The following CBFA2T2 variants were observed in gnomAD, a reference collection of about 807,000 sequenced individuals.
CBFA2T2 encodes the protein CBFA2/RUNX1 partner transcriptional co-repressor 2.
A neutral mutation model predicts 62.2 loss-of-function variants in CBFA2T2; 11 were observed. The observed-to-expected ratio is 0.18, with a 90% CI of 0.11 to 0.29. CBFA2T2 has a LOEUF of 0.29. Ranked by LOEUF, CBFA2T2 falls within the 10% of genes least tolerant of loss-of-function variation. The pLI is 1.00. For synonymous variants in CBFA2T2, 295 were observed against 287.5 expected, an observed-to-expected ratio of 1.03 and a Z score of -0.27; for missense variants, 592 against 774.1, an observed-to-expected ratio of 0.76 and a Z score of 2.79.
At chr20:33,585,198 T>C (rs2014310990) in intron 1 of CBFA2T2, among the ~76,000 whole-genome samples, 1 of 152,182 alleles carries the variant, frequency 6.6e-6, no homozygotes, top group South Asian at 2.1e-4. Context: ...ATGCGTGGCA[T>C]TCAAGTAGGT....
rs2016064874 is a variant in CBFA2T2, at chr20:33,623,255, C to T, written c.651C>T (p.Leu217=). 6.2e-6 allele frequency: 10 copies of T among 1,614,222 alleles called. No individual in the cohort carries two copies. The East Asian group carries it at 2.2e-4, about 36-fold the overall frequency. ...CGCCTGCTGACTCGTCAGAGTTGCT[C>T]ATGGAGGTGCACGGAAATGGGAAGA... ...IASPADSSEL[L]MEVHGNGKRP... is the part of the protein sequence containing the mutation. Residue 217 remains leucine, a synonymous_variant, in exon 5 of 11, where the codon CTC becomes CTT. Coordinates refer to ENST00000342704, the MANE Select transcript of CBFA2T2 (RefSeq NM_001032999.3).
intron 1 of CBFA2T2, among the ~76,000 whole-genome samples, chr20:33,516,333 G>A (rs1285593509): frequency 6.6e-6 from 1 of 151,244 alleles, no homozygotes; most frequent in Non-Finnish European, 1.5e-5. Context: ...AGCTGGGTGT[G>A]GTGGTGCATG....
chr20:33,510,587 A>G (rs2011492566), intron 1 of CBFA2T2, among the ~76,000 whole-genome samples: 1 of 152,268 alleles, frequency 6.6e-6, no homozygotes, highest in Admixed American at 6.5e-5. Flanking sequence ...ATAGTGCCGC[A>G]ATAAACATAC....
At chr20:33,632,639 T>G (rs1056961860) in intron 8 of CBFA2T2, among the ~76,000 whole-genome samples, 4 of 151,666 alleles carry the variant, frequency 2.6e-5, no homozygotes, top group African/African-American at 4.8e-5. Context: ...CGGCTGAGTT[T>G]TTTTTTTTTC....
chr20:33,623,415 CA>C, intron 5 of CBFA2T2, 119 bp downstream of exon 5: 2 of 1,151,912 alleles, frequency 1.7e-6, no homozygotes, highest in Non-Finnish European at 2.5e-6. Flanking sequence ...TTTTTTGAGA[CA>C]AGGCCTGGCT....
chr20:33,574,063 A>AGC, intron 1 of CBFA2T2: 1 of 1,388,798 alleles, frequency 7.2e-7, no homozygotes, highest in Non-Finnish European at 9.6e-7. Flanking sequence ...TGCTGGGATT[A>AGC]CAGGCAAGAG....
intron 2 of CBFA2T2, among the ~76,000 whole-genome samples, chr20:33,610,747 GTATCCCATCACTGGAAAGA>G (rs1009716964): frequency 2.6e-5 from 4 of 152,270 alleles, no homozygotes; most frequent in Non-Finnish European, 4.4e-5. Flanking sequence ...ATGGGCATGA[GTATCCCATCACTGGAAAGA>G]TCTATTGGCC....
intron 1 of CBFA2T2, among the ~76,000 whole-genome samples, chr20:33,498,042 T>G (rs2011223020): frequency 6.6e-6 from 1 of 152,112 alleles, no homozygotes; most frequent in Non-Finnish European, 1.5e-5. Context: ...TCTTTTTATC[T>G]TACTGTATTT....
intron 3 of CBFA2T2, among the ~76,000 whole-genome samples, chr20:33,616,401 A>G (rs781281256): frequency 2.0e-5 from 3 of 152,206 alleles, no homozygotes; most frequent in Admixed American, 6.5e-5. Flanking sequence ...TGGTTACATG[A>G]AAATACACAT....
intron 8 of CBFA2T2, among the ~76,000 whole-genome samples, chr20:33,633,249 G>A (rs1041082482): frequency 3.9e-5 from 6 of 152,014 alleles, no homozygotes; most frequent in Non-Finnish European, 7.4e-5. Context: ...GCACATGCCT[G>A]TACTCCCACC....
At chr20:33,636,781 A>C in intron 9 of CBFA2T2, 73 bp downstream of exon 9, 1 of 1,129,364 alleles carries the variant, frequency 8.9e-7, no homozygotes. Flanking sequence ...AACTGGGTGA[A>C]TGGTTGGTAA....
chr20:33,542,527 C>T (rs1301958425), intron 1 of CBFA2T2, among the ~76,000 whole-genome samples: 1 of 152,010 alleles, frequency 6.6e-6, no homozygotes. Flanking sequence ...TCTCAATTAT[C>T]AATGTATATA....
intron 1 of CBFA2T2, among the ~76,000 whole-genome samples, chr20:33,550,907 G>A (rs890086497): frequency 6.6e-6 from 1 of 152,144 alleles, no homozygotes; most frequent in African/African-American, 2.4e-5. Context: ...ACAAGCGTGA[G>A]CCACCACGCT....
intron 3 of CBFA2T2, among the ~76,000 whole-genome samples, chr20:33,616,004 A>C (rs2015691278): frequency 6.6e-6 from 1 of 151,994 alleles, no homozygotes; most frequent in African/African-American, 2.4e-5. Flanking sequence ...TAAGCCCAGG[A>C]GTTCGAGGCT....
At chr20:33,595,380 T>G (rs2014840266) in intron 1 of CBFA2T2, among the ~76,000 whole-genome samples, 1 of 151,830 alleles carries the variant, frequency 6.6e-6, no homozygotes. Context: ...CCCAGCTGAT[T>G]TTTCTATTTT....
At chr20:33,505,709 A>G (rs1208425494) in intron 1 of CBFA2T2, among the ~76,000 whole-genome samples, 2 of 151,900 alleles carry the variant, frequency 1.3e-5, no homozygotes, top group Non-Finnish European at 2.9e-5. Flanking sequence ...TGAACCTGGG[A>G]GGCGGAGGTT....
chr20:33,593,565 G>A (rs1601026435), intron 1 of CBFA2T2, among the ~76,000 whole-genome samples: 1 of 151,516 alleles, frequency 6.6e-6, no homozygotes, highest in Admixed American at 6.6e-5. Flanking sequence ...GCTAATTTTT[G>A]TATTTTCACT....
At chr20:33,619,865 C>T (rs971714267) in intron 4 of CBFA2T2, among the ~76,000 whole-genome samples, 1 of 152,122 alleles carries the variant, frequency 6.6e-6, no homozygotes, top group African/African-American at 2.4e-5. Flanking sequence ...ATAGGAGGTG[C>T]TTGGGCTGGA....
chr20:33,627,934 A>C (rs1304221328), intron 6 of CBFA2T2, among the ~76,000 whole-genome samples: 1 of 152,214 alleles, frequency 6.6e-6, no homozygotes, highest in Admixed American at 6.5e-5. Context: ...TTTTTAAGTT[A>C]CTGATAATAT....
Sources: allele counts gnomAD v4.1 joint callset (sites outside exome capture counted in the v4.1 genomes callset), GRCh38; gene constraint gnomAD v4.1.1; transcripts MANE v1.5; gene names NCBI Gene and HGNC (gene_info 2026-07-23, HGNC 2026-07-21).